VIRMA: variants seen among roughly 807,000 people sequenced by gnomAD.
VIRMA encodes the protein protein virilizer homolog.
VIRMA carries 65 observed loss-of-function variants against 182.4 expected under a neutral mutation model. The ratio of observed to expected loss-of-function variants is 0.36; its 90% CI spans 0.29 to 0.44. The LOEUF (loss-of-function observed/expected upper bound fraction) is 0.44. VIRMA is among the 20% of genes least tolerant of loss of function. VIRMA has a pLI of 1.00. For missense variants in VIRMA, 1,752 were observed against 2,158.1 expected (o/e 0.81, Z 3.73); for synonymous variants, 709 against 743.1 (o/e 0.95, Z 0.75).
chr8:94,499,813 A>G (rs935959976), intron 16 of VIRMA, among the ~76,000 whole-genome samples: 1 of 150,590 alleles, frequency 6.6e-6, no homozygotes, highest in Non-Finnish European at 1.5e-5. Context: ...GGGAGGCCGA[A>G]GGTGGTGGAT....
At chr8:94,551,042 A>C (rs139068311) in intron 1 of VIRMA, among the ~76,000 whole-genome samples, 1,883 of 152,282 alleles carry the variant, frequency 0.012, 18 homozygotes, top group South Asian at 0.021. Flanking sequence ...TTCTTTGTCG[A>C]GCATTCAAGG....
At position 94,527,224 on chromosome 8, in the gene VIRMA, T is replaced by G. The variant is rs769619815; in HGVS notation, c.1020A>C (p.Pro340=). 18 of 1,614,130 alleles carry G rather than the reference T, an allele frequency of 1.1e-5. No homozygotes were observed. The South Asian group carries it at 2.0e-4, about 18-fold the overall frequency. Residue 340 remains proline, a synonymous_variant, in exon 8 of 24, where the codon CCA becomes CCC. Transcript: ENST00000297591. ...AGAGTGGTACAAGCTCCCTGTCATA[T>G]GGATCATATGTCATAGGAGGAACTG... ...LASVPPMTYD[P]YDRELVPLLY...
chr8:94,513,814 G>T (rs892414925), intron 11 of VIRMA, among the ~76,000 whole-genome samples: 1 of 152,114 alleles, frequency 6.6e-6, no homozygotes, highest in Admixed American at 6.6e-5. Flanking sequence ...CTAAATAAAA[G>T]AAAATGTAAT....
At chr8:94,540,949 T>C (rs1213795587) in intron 2 of VIRMA, among the ~76,000 whole-genome samples, 1 of 152,074 alleles carries the variant, frequency 6.6e-6, no homozygotes, top group Non-Finnish European at 1.5e-5. Flanking sequence ...TCGGTGACTC[T>C]AAAAAACCTA....
At chr8:94,517,069 A>G (rs1214571883) in intron 10 of VIRMA, among the ~76,000 whole-genome samples, 1 of 152,156 alleles carries the variant, frequency 6.6e-6, no homozygotes, top group African/African-American at 2.4e-5. Flanking sequence ...TAATATTCAT[A>G]TTTACTATTA....
intron 11 of VIRMA, 74 bp downstream of exon 11, chr8:94,514,795 T>A (rs373169691): frequency 1.9e-5 from 14 of 746,200 alleles, no homozygotes; most frequent in East Asian, 5.0e-5. Context: ...TCTACACAAG[T>A]GATTCAATGC....
At position 94,526,419 on chromosome 8, in the gene VIRMA, T is replaced by A. The variant is rs149610823; in HGVS notation, c.1825A>T (p.Met609Leu). ...PEYENEVEAS[M>L]DMDLLESSNI... is the part of the protein sequence containing the mutation. ...GAGGATTCCAAAAGATCCATATCCA[T>A]AGAAGCTTCCACCTCATTTTCATAT... Residue 609 changes from methionine to leucine, a missense_variant, in exon 8 of 24, where the codon ATG becomes TTG. By Grantham distance (15) the Met-to-Leu change is conservative. Transcript: ENST00000297591. 6.2e-7 allele frequency: 1 copy of A among 1,613,884 alleles called. No individual in the cohort carries two copies. The highest frequency in any genetic ancestry group is 1.1e-5 in the South Asian group (1 of 91,038).
chr8:94,494,792 T>A, intron 20 of VIRMA, 68 bp downstream of exon 20: 1 of 950,374 alleles, frequency 1.1e-6, no homozygotes, highest in South Asian at 1.5e-5. Context: ...ACTATTATAA[T>A]GCTAACAATA....
At chr8:94,543,159 C>T (rs1208621841) in intron 2 of VIRMA, among the ~76,000 whole-genome samples, 5 of 151,936 alleles carry the variant, frequency 3.3e-5, no homozygotes, top group Non-Finnish European at 7.4e-5. Flanking sequence ...CCTCCTGCCT[C>T]GGCCTCTCAA....
At chr8:94,534,479 G>C (rs1386849016) in intron 5 of VIRMA, 2 of 247,968 alleles carry the variant, frequency 8.1e-6, no homozygotes, top group Non-Finnish European at 1.5e-5. Flanking sequence ...AAGAATGGGA[G>C]ACTAACAGAT....
In VIRMA at chr8:94,517,855, C is replaced by T. The variant is rs755980531; in HGVS notation, c.2601G>A (p.Met867Ile). Residue 867 changes from methionine (M) to isoleucine (I), a missense_variant, in exon 10 of 24, where the codon ATG becomes ATA. Physicochemically the swap from Met to Ile is conservative, Grantham distance 10 (BLOSUM62 1). Coordinates refer to ENST00000297591, the MANE Select transcript of VIRMA (RefSeq NM_015496.5). ...AGAGAGATGCTGCATGTTGTTCTAGCATTTGAACATCACTGGAAGACTGAA... is the reference window on the plus strand; with the variant it reads ...AGAGAGATGCTGCATGTTGTTCTAGTATTTGAACATCACTGGAAGACTGAA... The part of the protein sequence containing the change: ...VVVQSSSDVQ[M>I]LEQHAASLLK... 5.5e-5 allele frequency: 88 copies of T among 1,611,522 alleles called. No homozygotes were observed. The highest frequency in any genetic ancestry group is 6.9e-5 in the Non-Finnish European group (81 of 1,178,092).
intron 2 of VIRMA, among the ~76,000 whole-genome samples, chr8:94,538,933 G>A (rs993612258): frequency 6.6e-6 from 1 of 151,694 alleles, no homozygotes; most frequent in African/African-American, 2.4e-5. Context: ...ACAGAGTCTT[G>A]CTTTCTTGCC....
chr8:94,535,600 T>C (rs1815314744), intron 4 of VIRMA, among the ~76,000 whole-genome samples: 1 of 152,052 alleles, frequency 6.6e-6, no homozygotes, highest in Non-Finnish European at 1.5e-5. Flanking sequence ...CTGGCCAAGA[T>C]GGTGAAACCT....
At chr8:94,495,978 G>GTAT (rs1813761432) in intron 18 of VIRMA, 87 bp from the exon 19 acceptor site, 1 of 1,165,150 alleles carries the variant, frequency 8.6e-7, no homozygotes, top group African/African-American at 1.6e-5. Flanking sequence ...AAGGCTATAT[G>GTAT]TATTATTACT....
At chr8:94,520,487 A>G (rs1814723434) in intron 8 of VIRMA, among the ~76,000 whole-genome samples, 1 of 152,080 alleles carries the variant, frequency 6.6e-6, no homozygotes, top group African/African-American at 2.4e-5. Flanking sequence ...GTGAAAGAGC[A>G]AGACTCTGTC....
chr8:94,519,862 C>A (rs1187705066), intron 8 of VIRMA, among the ~76,000 whole-genome samples: 1 of 152,106 alleles, frequency 6.6e-6, no homozygotes, highest in African/African-American at 2.4e-5. Context: ...ACAGTCAGCA[C>A]TCCGCATCTG....
chr8:94,521,565 T>C (rs1814771612), intron 8 of VIRMA, among the ~76,000 whole-genome samples: 1 of 152,172 alleles, frequency 6.6e-6, no homozygotes, highest in Non-Finnish European at 1.5e-5. Context: ...ATATCATAAT[T>C]TTCTGAAAGT....
In VIRMA at chr8:94,488,861, C is replaced by A; in HGVS notation, c.5285-1G>T. The A allele has an allele frequency of 6.2e-7, 1 of 1,611,850 alleles. No individual in the cohort carries two copies. The highest frequency in any genetic ancestry group is 8.5e-7 in the Non-Finnish European group (1 of 1,178,904). ...CGGTCCCGAGGACTTGGGCGGTAAC[C>A]TGTAAAAGAAAGAATACAGTTTTTA... On this transcript the variant is annotated splice_acceptor_variant, in intron 23 of 23. Transcript: ENST00000297591. LOFTEE classifies it high-confidence loss of function.
intron 5 of VIRMA, among the ~76,000 whole-genome samples, chr8:94,533,246 A>T (rs1160600657): frequency 6.6e-6 from 1 of 152,028 alleles, no homozygotes; most frequent in Non-Finnish European, 1.5e-5. Flanking sequence ...AGCAGGTAAG[A>T]TATAAGAAAA....
Sources: allele counts gnomAD v4.1 joint callset (sites outside exome capture counted in the v4.1 genomes callset), GRCh38; gene constraint gnomAD v4.1.1; transcripts MANE v1.5; gene names NCBI Gene and HGNC (gene_info 2026-07-23, HGNC 2026-07-21).